AKAP10: variants seen among roughly 807,000 people sequenced by gnomAD.
The protein encoded by AKAP10 is A-kinase anchor protein 10, mitochondrial.
A neutral mutation model predicts 80.8 loss-of-function variants in AKAP10; 24 were observed. The ratio of observed to expected loss-of-function variants is 0.30; its 90% CI spans 0.22 to 0.42. The LOEUF (loss-of-function observed/expected upper bound fraction) is 0.42, where lower values mean the gene tolerates loss of function less well. AKAP10 is among the 10% of genes least tolerant of loss of function. The pLI is 1.00. For missense variants in AKAP10, 661 were observed against 794.9 expected, an observed-to-expected ratio of 0.83 and a Z score of 2.03; for synonymous variants, 291 against 277.7, an observed-to-expected ratio of 1.05 and a Z score of -0.48.
intron 5 of AKAP10, chr17:19,947,135 CGCCCGCCG>C (rs1445473164): frequency 2.4e-6 from 1 of 409,622 alleles, no homozygotes; most frequent in African/African-American, 2.1e-5. Context: ...TTAGCGTAGC[CGCCCGCCG>C]GCCCGGCTGC....
At chr17:19,976,655 C>T (rs2043571495) in intron 1 of AKAP10, among the ~76,000 whole-genome samples, 1 of 151,858 alleles carries the variant, frequency 6.6e-6, no homozygotes, top group African/African-American at 2.4e-5. Context: ...AAGTAGCTGG[C>T]ATTACAGGCA....
intron 12 of AKAP10, among the ~76,000 whole-genome samples, chr17:19,917,396 G>A (rs1446637996): frequency 6.6e-6 from 1 of 152,174 alleles, no homozygotes; most frequent in Non-Finnish European, 1.5e-5. Context: ...CCTGGCCAAT[G>A]CCTCACAAAG....
intron 10 of AKAP10, among the ~76,000 whole-genome samples, chr17:19,925,475 AAAACCAG>A (rs1341487242): frequency 6.6e-6 from 1 of 152,222 alleles, no homozygotes; most frequent in Non-Finnish European, 1.5e-5. Context: ...CTCCACAAGA[AAAACCAG>A]AATTGGTATT....
At chr17:19,956,247 G>C (rs1438729331) in intron 4 of AKAP10, among the ~76,000 whole-genome samples, 2 of 152,098 alleles carry the variant, frequency 1.3e-5, no homozygotes, top group Non-Finnish European at 2.9e-5. Context: ...CCAGGTGCAT[G>C]GCAAAAGAAA....
At chr17:19,914,361 AG>A (rs767956158) in intron 12 of AKAP10, among the ~76,000 whole-genome samples, 6 of 152,154 alleles carry the variant, frequency 3.9e-5, no homozygotes, top group Non-Finnish European at 7.3e-5. Flanking sequence ...ACAGTGAATA[AG>A]AAAATAGGCC....
At chr17:19,950,590 C>T (rs576596299) in intron 4 of AKAP10, among the ~76,000 whole-genome samples, 2 of 152,378 alleles carry the variant, frequency 1.3e-5, no homozygotes, top group Admixed American at 6.5e-5. Flanking sequence ...GGATTGCAGA[C>T]GGAGTCTCGC....
intron 8 of AKAP10, among the ~76,000 whole-genome samples, chr17:19,939,040 C>CT (rs1221324890): frequency 6.6e-6 from 1 of 152,112 alleles, no homozygotes; most frequent in African/African-American, 2.4e-5. Context: ...CCACGAATTA[C>CT]TTTTTTTACA....
intron 3 of AKAP10, among the ~76,000 whole-genome samples, chr17:19,962,024 G>A (rs1356687436): frequency 6.6e-6 from 1 of 152,100 alleles, no homozygotes; most frequent in Non-Finnish European, 1.5e-5. Flanking sequence ...GCTGAGGCGA[G>A]AGAATGGCTT....
At chr17:19,959,087 C>T (rs185745604) in intron 3 of AKAP10, among the ~76,000 whole-genome samples, 4 of 151,946 alleles carry the variant, frequency 2.6e-5, no homozygotes, top group East Asian at 1.9e-4. Flanking sequence ...TCCTGACCTT[C>T]GGCAATCCAC....
intron 13 of AKAP10, 90 bp downstream of exon 13, chr17:19,909,836 G>A: frequency 8.9e-7 from 1 of 1,118,962 alleles, no homozygotes; most frequent in Non-Finnish European, 1.3e-6. Flanking sequence ...CTTAAACATG[G>A]GACCTAAAGA....
At position 19,963,020 on chromosome 17, in the gene AKAP10, A is replaced by G; in HGVS notation, c.139T>C (p.Ser47Pro). Reference sequence around the variant, plus strand: ...TTTTGTGGGGAATGTACGGATATTGAAGCTATAATTTTTCAAAAAATTGTT... The same window carrying G: ...TTTTGTGGGGAATGTACGGATATTGGAGCTATAATTTTTCAAAAAATTGTT... ...KTSDVKSIKA[S>P]ISVHSPQKST... Residue 47 changes from serine (S) to proline (P), a missense_variant and splice_region_variant, in exon 3 of 15, where the codon TCA becomes CCA. Physicochemically the swap from Ser to Pro is moderately conservative, Grantham distance 74. Transcript: ENST00000225737. The G allele has an allele frequency of 1.3e-6, 2 of 1,596,928 alleles. No individual in the cohort carries two copies. The highest frequency in any genetic ancestry group is 3.3e-4 in the Middle Eastern group (2 of 6,002).
At chr17:19,927,386 G>T (rs868773022) in intron 10 of AKAP10, among the ~76,000 whole-genome samples, 3 of 151,934 alleles carry the variant, frequency 2.0e-5, no homozygotes, top group Non-Finnish European at 4.4e-5. Context: ...AAAGGTAGAG[G>T]AAAGACAACT....
At chr17:19,942,318 T>A (rs760452395) in intron 5 of AKAP10, among the ~76,000 whole-genome samples, 6 of 151,386 alleles carry the variant, frequency 4.0e-5, no homozygotes, top group Non-Finnish European at 8.8e-5. Context: ...AAACATAAAA[T>A]GACCAACGTG....
chr17:19,966,008 G>A (rs1224839079), intron 2 of AKAP10, among the ~76,000 whole-genome samples: 1 of 152,136 alleles, frequency 6.6e-6, no homozygotes, highest in African/African-American at 2.4e-5. Context: ...CAACAGGCAG[G>A]ATTTCAACTT....
chr17:19,921,415 C>T (rs980743528), intron 11 of AKAP10, among the ~76,000 whole-genome samples: 1 of 151,992 alleles, frequency 6.6e-6, no homozygotes, highest in Non-Finnish European at 1.5e-5. Context: ...CTCGGCCTCC[C>T]AAAGTGCTGG....
chr17:19,939,778 A>C lies in AKAP10; in HGVS notation c.1257T>G (p.Leu419=), dbSNP rs61484482. The change falls in exon 8 of 15, where the codon CTT becomes CTG. Residue 419 remains leucine (L), a synonymous_variant. Coordinates refer to ENST00000225737, the MANE Select transcript of AKAP10 (RefSeq NM_007202.4). ...CATCATATTGGCCCTTTTTGGCAGCAAGCTGAGACTGGAAGTTATCTGCTG... is the reference window on the plus strand; with the variant it reads ...CATCATATTGGCCCTTTTTGGCAGCCAGCTGAGACTGGAAGTTATCTGCTG... ...WLAADNFQSQ[L]AAKKGQYDGQ... is the part of the protein sequence containing the mutation. 1,196 of 1,614,068 alleles carry C rather than the reference A, an allele frequency of 7.4e-4. 6 individuals are homozygous for C. The African/African-American group carries it at 0.014, about 19-fold the overall frequency.
intron 1 of AKAP10, among the ~76,000 whole-genome samples, chr17:19,971,746 C>A (rs138129203): frequency 6.6e-6 from 1 of 152,210 alleles, no homozygotes; most frequent in Non-Finnish European, 1.5e-5. Context: ...TTCTAGTACA[C>A]GTCTTCCTAT....
At position 19,941,808 on chromosome 17, in the gene AKAP10, A is replaced by G. The variant is rs1195592437; in HGVS notation, c.1061+18T>C. The G allele has an allele frequency of 1.3e-6, 2 of 1,530,066 alleles. No homozygotes were observed. Among genetic ancestry groups the G allele is most frequent in the Middle Eastern group, 1.7e-4 (1 of 5,800 alleles). 94.8% of individuals were successfully genotyped at this position (1,530,066 alleles called of 1,614,324 possible). On this transcript the variant is annotated intron_variant, in intron 6 of 14. Transcript: ENST00000225737. The stretch of plus-strand genomic sequence containing the variant: ...AAATTCCCTAGGATGCACAATGTGA[A>G]AATATGAACTAACTTACTCTTGCTC...
chr17:19,913,293 C>T (rs1005374209), intron 12 of AKAP10, among the ~76,000 whole-genome samples: 1 of 151,820 alleles, frequency 6.6e-6, no homozygotes, highest in Non-Finnish European at 1.5e-5. Flanking sequence ...GCTGGGACTA[C>T]AAGCGCGTGC....
Sources: gnomAD v4.1 joint callset for allele counts (sites outside exome capture counted in the v4.1 genomes callset) on GRCh38, gnomAD v4.1.1 for gene constraint, MANE v1.5 for transcripts, NCBI Gene and HGNC (gene_info 2026-07-23, HGNC 2026-07-21) for gene names.